The following KIF1A variants were observed in gnomAD, a reference collection of about 807,000 sequenced individuals.
The protein encoded by KIF1A is kinesin family member 1A, also known as kinesin-like protein KIF1A.
KIF1A carries 46 observed loss-of-function variants against 227.3 expected under a neutral mutation model. The ratio of observed to expected loss-of-function variants is 0.20; its 90% CI spans 0.16 to 0.26. KIF1A has a LOEUF of 0.26. KIF1A is among the 10% of genes least tolerant of loss of function. KIF1A has a pLI of 1.00. For missense variants in KIF1A, 1,683 were observed against 2,485.9 expected (o/e 0.68, Z 6.87); for synonymous variants, 1,022 against 1,012.8 (o/e 1.01, Z -0.17).
intron 34 of KIF1A, among the ~76,000 whole-genome samples, chr2:240,742,125 A>C (rs1261003368): frequency 1.3e-5 from 2 of 152,170 alleles, no homozygotes; most frequent in African/African-American, 2.4e-5. Context: ...GTCCTCCCAC[A>C]GTGTCCTCAG....
chr2:240,763,974 G>A (rs983231255), intron 20 of KIF1A, among the ~76,000 whole-genome samples: 3 of 151,586 alleles, frequency 2.0e-5, no homozygotes, highest in African/African-American at 2.4e-5. Context: ...CCCAGCACCC[G>A]GCTGGACCCC....
chr2:240,745,069 C>A (rs2048425319), intron 32 of KIF1A, among the ~76,000 whole-genome samples: 1 of 152,116 alleles, frequency 6.6e-6, no homozygotes, highest in South Asian at 2.1e-4. Context: ...GCCCCTGTGG[C>A]CCTGCCTCCT....
chr2:240,787,683 G>A (rs983368140), intron 4 of KIF1A, among the ~76,000 whole-genome samples: 1 of 152,196 alleles, frequency 6.6e-6, no homozygotes, highest in African/African-American at 2.4e-5. Context: ...CAAATGAGGA[G>A]CTGCTGGGTC....
intron 10 of KIF1A, chr2:240,782,077 C>T (rs960935750): frequency 2.0e-6 from 2 of 985,288 alleles, no homozygotes; most frequent in African/African-American, 3.5e-5. Flanking sequence ...AACGCTTTCA[C>T]GGCTGCCCAC....
chr2:240,808,840 C>T (rs1457496931), intron 1 of KIF1A, among the ~76,000 whole-genome samples: 1 of 151,994 alleles, frequency 6.6e-6, no homozygotes, highest in Non-Finnish European at 1.5e-5. Context: ...AAGTGATTCT[C>T]CTGCCTCAGC....
In KIF1A at chr2:240,739,901, G is replaced by A. The variant is rs2047752215; in HGVS notation, c.3901+157C>T. 6.6e-6 allele frequency among the ~76,000 whole-genome samples: 1 copy of A among 152,120 alleles called. No individual in the cohort carries two copies. Among genetic ancestry groups the A allele is most frequent in the Non-Finnish European group, 1.5e-5 (1 of 68,018 alleles). On this transcript the variant is annotated intron_variant, in intron 37 of 48. Coordinates refer to ENST00000498729, the MANE Select transcript of KIF1A (RefSeq NM_001244008.2). This position sits in a 1 kb window ranked among gnomAD's most constrained non-coding sequence, Gnocchi z 5.6. The stretch of plus-strand genomic sequence containing the variant: ...CCAGGTCCAAGGCTCTCCTTTTCAG[G>A]TGAGGAAGTGAGTCACAGAGAGATT...
Position 240,766,745 on chromosome 2 carries a change from T to TCACACACACACA in KIF1A, c.1684+169_1684+170insTGTGTGTGTGTG, listed in dbSNP as rs1263248431. Among the ~76,000 whole-genome samples, 302 of 127,012 alleles carry TCACACACACACA rather than the reference T, an allele frequency of 2.4e-3. 6 individuals are homozygous for TCACACACACACA. The highest frequency in any genetic ancestry group is 0.016 in the East Asian group (58 of 3,682). 83.3% of individuals were successfully genotyped at this position (127,012 alleles called of 152,430 possible). A position where few individuals can be genotyped will look rare whatever the true frequency, so the allele number is the denominator to read the frequency against. On this transcript the variant is annotated intron_variant, in intron 19 of 48. Coordinates refer to ENST00000498729, the MANE Select transcript of KIF1A (RefSeq NM_001244008.2). The surrounding 1 kb of genome is among the most constrained non-coding windows in gnomAD (Gnocchi z 5.0). ...AAATCTCTCTCTCTCTCTCTCTCTC[T>TCACACACACACA]CTCTCACACACACACACACACACAC...
intron 13 of KIF1A, 27 bp downstream of exon 13, chr2:240,773,087 C>A: frequency 1.3e-6 from 2 of 1,593,180 alleles, no homozygotes; most frequent in East Asian, 2.3e-5. Flanking sequence ...ACAACCCTGT[C>A]CAGGACAGGC....
In KIF1A at chr2:240,774,275, A is replaced by C; in HGVS notation, c.959-14T>G. 1.3e-6 allele frequency: 2 copies of C among 1,596,114 alleles called. No homozygotes were observed. The highest frequency in any genetic ancestry group is 1.7e-6 in the Non-Finnish European group (2 of 1,164,694). On this transcript the variant is annotated splice_polypyrimidine_tract_variant and intron_variant, in intron 11 of 48. Coordinates refer to ENST00000498729, the MANE Select transcript of KIF1A (RefSeq NM_001244008.2). ...TTGAGTTACCGCCTGTGGGAAGAAG[A>C]CCAGGTTGTGCCCAGAGGGGGATCT...
At chr2:240,808,400 T>C (rs1212097529) in intron 1 of KIF1A, among the ~76,000 whole-genome samples, 1 of 152,142 alleles carries the variant, frequency 6.6e-6, no homozygotes, top group Non-Finnish European at 1.5e-5. Flanking sequence ...GGCTCACACC[T>C]GTAGTCCCAG....
chr2:240,820,018 C>T lies in KIF1A; in HGVS notation c.-61+104G>A, dbSNP rs1208292820. 1 of 152,310 alleles carries T rather than the reference C, an allele frequency of 6.6e-6. No individual in the cohort carries two copies. The highest frequency in any genetic ancestry group is 1.9e-4 in the East Asian group (1 of 5,152). The allele number at this position is 152,310 out of a possible 1,614,324, so 9.4% of individuals were successfully genotyped here. A position where few individuals can be genotyped will look rare whatever the true frequency, so the allele number is the denominator to read the frequency against. On this transcript the variant is annotated intron_variant, in intron 1 of 48. Coordinates refer to ENST00000498729, the MANE Select transcript of KIF1A (RefSeq NM_001244008.2). The surrounding 1 kb of genome is among the most constrained non-coding windows in gnomAD (Gnocchi z 6.2). ...AGGGCGCCGGGCCGGAGCTCCCCGC[C>T]CTGGGCGCAGTGGGTGCAGGTGCGG...
intron 1 of KIF1A, among the ~76,000 whole-genome samples, chr2:240,801,627 G>A (rs190534547): frequency 1.2e-3 from 185 of 152,296 alleles, no homozygotes; most frequent in African/African-American, 3.5e-3. Context: ...AACCCCCCAA[G>A]TGATGACTTT....
intron 38 of KIF1A, among the ~76,000 whole-genome samples, chr2:240,730,947 AGT>A (rs890218836): frequency 6.6e-6 from 1 of 152,198 alleles, no homozygotes; most frequent in Non-Finnish European, 1.5e-5. Flanking sequence ...AGTCCTGGTC[AGT>A]ACTGGCCCCA....
At chr2:240,717,735 C>A (rs1323284460) in intron 48 of KIF1A, among the ~76,000 whole-genome samples, 1 of 152,232 alleles carries the variant, frequency 6.6e-6, no homozygotes, top group Non-Finnish European at 1.5e-5. Flanking sequence ...ATTTATCACT[C>A]CACAAGAAGC....
intron 46 of KIF1A, among the ~76,000 whole-genome samples, chr2:240,719,522 C>T (rs1424180200): frequency 6.6e-6 from 1 of 152,248 alleles, no homozygotes; most frequent in East Asian, 1.9e-4. Context: ...CCCACCCACT[C>T]CCCTGTGCTC....
intron 1 of KIF1A, among the ~76,000 whole-genome samples, chr2:240,818,245 G>T (rs548600740): frequency 6.6e-6 from 1 of 152,166 alleles, no homozygotes; most frequent in African/African-American, 2.4e-5. Context: ...ATCTGCAGCC[G>T]GAGTGAAGCT....
At chr2:240,812,299 G>A (rs550007683) in intron 1 of KIF1A, among the ~76,000 whole-genome samples, 15 of 152,210 alleles carry the variant, frequency 9.9e-5, no homozygotes, top group Non-Finnish European at 2.1e-4. Context: ...GCGTGCCTCA[G>A]CTCGAGGAGT....
rs999800395 is a variant in KIF1A at position 240,741,302 on chromosome 2, T to C, written c.3716A>G (p.Tyr1239Cys). 8 of 1,599,982 alleles carry C rather than the reference T, an allele frequency of 5.0e-6. No individual in the cohort carries two copies. Among genetic ancestry groups the C allele is most frequent in the Non-Finnish European group, 6.8e-6 (8 of 1,175,782 alleles). The change falls in exon 35 of 49, where the codon TAC becomes TGC. Residue 1239 changes from tyrosine to cysteine, a missense_variant. Around this residue, in one of 12 missense-constraint regions of KIF1A, gnomAD observed 759 missense variants for 1,020.2 expected, o/e 0.74. Transcript: ENST00000498729. ...PCHCKYDLLV[Y>C]FEICELEANG... Reference sequence around the variant, plus strand: ...GGCCTCCAGCTCACAGATCTCGAAGTAGACCAGCAGGTCGTACTTGCAGTG... The same window carrying C: ...GGCCTCCAGCTCACAGATCTCGAAGCAGACCAGCAGGTCGTACTTGCAGTG...
intron 27 of KIF1A, among the ~76,000 whole-genome samples, chr2:240,755,162 G>A (rs886345670): frequency 6.6e-6 from 1 of 152,234 alleles, no homozygotes; most frequent in African/African-American, 2.4e-5. Flanking sequence ...GTCACCTGGT[G>A]CCCCAGACCG....
Sources: gnomAD v4.1 joint callset for allele counts (sites outside exome capture counted in the v4.1 genomes callset) on GRCh38, gnomAD v4.1.1 for gene constraint, gnomAD v4.1.1 regional missense constraint, Gnocchi (gnomAD v3.1) non-coding constraint, MANE v1.5 for transcripts, NCBI Gene and HGNC (gene_info 2026-07-23, HGNC 2026-07-21) for gene names.